Variants in EEA1 observed in about 807,000 individuals in gnomAD.
EEA1 encodes early endosome antigen 1, 162kD.
EEA1 carries 111 observed loss-of-function variants against 209.2 expected under a neutral mutation model. The observed-to-expected ratio is 0.53, with a 90% confidence interval of 0.45 to 0.62. EEA1 has a LOEUF of 0.62. Among genes scored for constraint, EEA1 ranks in the 20% least tolerant of loss-of-function variants. The probability of loss-of-function intolerance (pLI) is 0.00; values close to 1 mark genes in which losing one functional copy is unlikely to be tolerated. For synonymous variants in EEA1, 536 were observed against 540.6 expected (o/e 0.99, Z 0.12); for missense variants, 1,343 against 1,530.8 (o/e 0.88, Z 2.05).
rs555304281 is a variant in EEA1, at chr12:92,851,144, G to A, written c.765C>T (p.Cys255=). ...ERESEKLKDE[C]KKLQSQYASS... The stretch of plus-strand genomic sequence containing the variant: ...TAGCATATTGTGACTGCAATTTTTT[G>A]CATTCATCTTTGAGTTTTTCAGATT... The change falls in exon 9 of 29, where the codon TGC becomes TGT. Residue 255 remains cysteine, a synonymous_variant. Coordinates refer to ENST00000322349, the MANE Select transcript of EEA1 (RefSeq NM_003566.4). 2 of 1,612,980 alleles carry A rather than the reference G, an allele frequency of 1.2e-6. No individual in the cohort carries two copies. The highest frequency in any genetic ancestry group is 1.1e-5 in the South Asian group (1 of 90,964).
intron 23 of EEA1, 85 bp downstream of exon 23, chr12:92,781,865 T>G: frequency 1.6e-6 from 2 of 1,244,888 alleles, no homozygotes; most frequent in East Asian, 4.8e-5. Context: ...GGATGATGCC[T>G]GTACTAAATA....
chr12:92,832,825 T>C lies in EEA1; in HGVS notation c.941A>G (p.Lys314Arg), dbSNP rs763241671. The C allele has an allele frequency of 1.0e-5, 16 of 1,603,764 alleles. No homozygotes were observed. In the Admixed American group the frequency reaches 1.7e-4, roughly 17 times the overall value. ...CTCTAACTTAGTATAGTCTTGTTCT[T>C]TTTTCAGCAAGTTTTCTGTCAAGGT... ...NQTLTENLLK[K>R]EQDYTKLEEK... The change falls in exon 11 of 29, where the codon AAA becomes AGA. Residue 314 changes from lysine (K) to arginine (R), a missense_variant. By Grantham distance (26) the Lys-to-Arg change is conservative. Around this residue, in one of 3 missense-constraint regions of EEA1, gnomAD observed 1,307 missense variants for 1,465.5 expected, o/e 0.89. Coordinates refer to ENST00000322349, the MANE Select transcript of EEA1 (RefSeq NM_003566.4).
intron 2 of EEA1, among the ~76,000 whole-genome samples, chr12:92,870,796 C>A (rs923040776): frequency 1.3e-5 from 2 of 152,064 alleles, no homozygotes. Flanking sequence ...TGTGCCTCAG[C>A]CTTCCCTGTA....
intron 10 of EEA1, among the ~76,000 whole-genome samples, chr12:92,840,851 T>C (rs940098339): frequency 6.6e-6 from 1 of 152,198 alleles, no homozygotes; most frequent in African/African-American, 2.4e-5. Context: ...AAAATTCATA[T>C]ACTGAAACTC....
intron 11 of EEA1, among the ~76,000 whole-genome samples, chr12:92,831,619 A>T (rs1482152271): frequency 6.8e-6 from 1 of 147,392 alleles, no homozygotes; most frequent in Non-Finnish European, 1.5e-5. Context: ...TAAATATATA[A>T]TATATATTTC....
At chr12:92,928,542 T>G (rs935419784) in intron 1 of EEA1, among the ~76,000 whole-genome samples, 4 of 152,142 alleles carry the variant, frequency 2.6e-5, no homozygotes, top group African/African-American at 9.6e-5. Context: ...CACCCTCCAC[T>G]GTGGTCCAAA....
intron 2 of EEA1, among the ~76,000 whole-genome samples, chr12:92,874,512 C>T (rs1274031208): frequency 6.6e-6 from 1 of 152,102 alleles, no homozygotes; most frequent in African/African-American, 2.4e-5. Flanking sequence ...ATTACAGGCG[C>T]TTGCCGCCAG....
At chr12:92,866,242 A>G (rs974291572) in intron 2 of EEA1, among the ~76,000 whole-genome samples, 1 of 151,934 alleles carries the variant, frequency 6.6e-6, no homozygotes, top group South Asian at 2.1e-4. Context: ...TCATTAAATC[A>G]AAGATTTTTT....
At chr12:92,841,558 C>T (rs1043018139) in intron 10 of EEA1, among the ~76,000 whole-genome samples, 1 of 152,082 alleles carries the variant, frequency 6.6e-6, no homozygotes, top group Non-Finnish European at 1.5e-5. Flanking sequence ...ATATAAAGAA[C>T]TCCTACAACT....
chr12:92,817,838 A>C (rs1319458301), intron 14 of EEA1, among the ~76,000 whole-genome samples: 1 of 152,130 alleles, frequency 6.6e-6, no homozygotes, highest in Non-Finnish European at 1.5e-5. Flanking sequence ...TCGTAAGGTC[A>C]GGTGTATGGC....
chr12:92,786,315 T>C (rs1874129562), intron 22 of EEA1, among the ~76,000 whole-genome samples: 1 of 152,086 alleles, frequency 6.6e-6, no homozygotes, highest in South Asian at 2.1e-4. Flanking sequence ...AAGCCCAAAC[T>C]CCTCCACAAA....
chr12:92,831,277 A>G (rs1051848919), intron 11 of EEA1, among the ~76,000 whole-genome samples: 2 of 152,002 alleles, frequency 1.3e-5, no homozygotes, highest in Admixed American at 6.6e-5. Flanking sequence ...CCAATTTTCA[A>G]TGTTACCTAA....
At chr12:92,800,189 TC>T (rs1383098704) in intron 20 of EEA1, among the ~76,000 whole-genome samples, 1 of 152,184 alleles carries the variant, frequency 6.6e-6, no homozygotes. Flanking sequence ...GCCACTGCAC[TC>T]CAGCTTGGCT....
intron 14 of EEA1, 150 bp from the exon 15 acceptor site, chr12:92,816,550 G>T: frequency 1.6e-6 from 1 of 616,548 alleles, no homozygotes; most frequent in Non-Finnish European, 2.8e-6. Context: ...GCCAAAATAT[G>T]TCAACATAGT....
intron 1 of EEA1, among the ~76,000 whole-genome samples, chr12:92,912,085 G>A (rs1880602359): frequency 6.6e-6 from 1 of 152,128 alleles, no homozygotes; most frequent in Non-Finnish European, 1.5e-5. Context: ...AGATCATTTT[G>A]CAAATACTGC....
At position 92,809,143 on chromosome 12, in the gene EEA1, T is replaced by C; in HGVS notation, c.2213A>G (p.Asp738Gly). 3 of 1,576,226 alleles carry C rather than the reference T, an allele frequency of 1.9e-6. No individual in the cohort carries two copies. The highest frequency in any genetic ancestry group is 2.6e-6 in the Non-Finnish European group (3 of 1,162,844). ...CTTGCTTGCTTTAACTTCAAGACTA[T>C]CAGCTTCTAGTTTCTATGAAAGAAA... ...LEGQIKKLEA[D>G]SLEVKASKEQ... is the part of the protein sequence containing the mutation. The change falls in exon 18 of 29, where the codon GAT becomes GGT. Residue 738 changes from aspartate to glycine, a missense_variant. Asp to Gly is a moderately conservative substitution (Grantham distance 94). Transcript: ENST00000322349.
intron 20 of EEA1, among the ~76,000 whole-genome samples, chr12:92,800,881 A>G (rs1045700816): frequency 6.6e-6 from 1 of 152,240 alleles, no homozygotes; most frequent in African/African-American, 2.4e-5. Context: ...TGCTACTTAC[A>G]TGGCTGGCAT....
intron 1 of EEA1, among the ~76,000 whole-genome samples, chr12:92,894,112 G>A (rs1470530067): frequency 6.6e-6 from 1 of 152,054 alleles, no homozygotes; most frequent in Non-Finnish European, 1.5e-5. Context: ...GGTGACCTGT[G>A]ATCAATGATC....
intron 24 of EEA1, among the ~76,000 whole-genome samples, chr12:92,780,065 T>A (rs142202766): frequency 6.6e-6 from 1 of 152,100 alleles, no homozygotes; most frequent in African/African-American, 2.4e-5. Context: ...CTTTGCTTCA[T>A]TGGGTAATGT....
Sources: gnomAD v4.1 joint callset for allele counts (sites outside exome capture counted in the v4.1 genomes callset) on GRCh38, gnomAD v4.1.1 for gene constraint, gnomAD v4.1.1 regional missense constraint, MANE v1.5 for transcripts, NCBI Gene and HGNC (gene_info 2026-07-23, HGNC 2026-07-21) for gene names.